Variants in GLOD4 observed in about 807,000 individuals in gnomAD.
GLOD4 encodes glyoxalase domain containing 4.
GLOD4 carries 44 observed loss-of-function variants against 39.1 expected under a neutral mutation model. That is an observed-to-expected ratio of 1.13 (90% CI 0.88 to 1.45). The LOEUF is 1.45. Ranked by LOEUF, GLOD4 falls within the 40% of genes most tolerant of loss-of-function variation. The pLI is 0.00. For missense variants in GLOD4, 405 were observed against 366.4 expected (o/e 1.11, Z -0.86); for synonymous variants, 145 against 135.0 (o/e 1.07, Z -0.52).
chr17:779,767 C>T (rs1326477329), intron 1 of GLOD4, among the ~76,000 whole-genome samples: 1 of 152,204 alleles, frequency 6.6e-6, no homozygotes, highest in African/African-American at 2.4e-5. Context: ...TCTCACAGAA[C>T]CCTGCACACA....
intron 3 of GLOD4, 80 bp from the exon 4 acceptor site, chr17:775,999 T>C (rs1908883031): frequency 9.4e-7 from 1 of 1,063,526 alleles, no homozygotes; most frequent in African/African-American, 1.6e-5. Flanking sequence ...CAACCCCTAT[T>C]GCCTACTGCC....
intron 4 of GLOD4, among the ~76,000 whole-genome samples, chr17:774,047 G>GA (rs1304299524): frequency 6.6e-6 from 1 of 152,104 alleles, no homozygotes; most frequent in African/African-American, 2.4e-5. Flanking sequence ...AGGCTGGAGA[G>GA]AAAAAATGGA....
chr17:779,319 T>TAAAAAAAAAAAAAAAA (rs34487169), intron 1 of GLOD4, among the ~76,000 whole-genome samples: 1 of 43,358 alleles, frequency 2.3e-5, no homozygotes, highest in Non-Finnish European at 3.8e-5. Context: ...CATCTCAAAT[T>TAAAAAAAAAAAAAAAA]AAAAAAAAAA....
At chr17:765,639 T>G (rs1906389778) in intron 8 of GLOD4, among the ~76,000 whole-genome samples, 1 of 147,698 alleles carries the variant, frequency 6.8e-6, no homozygotes. Flanking sequence ...AGAGACAGGG[T>G]TTCACCGTGT....
rs1194734159 is a variant in GLOD4 at position 771,481 on chromosome 17, G to A, written c.407-20C>T. ...CAGGATCTGTTGGGTAATAAAGCAG[G>A]AATAGACAGATCAATTTAATAGAAT... On this transcript the variant is annotated intron_variant, in intron 4 of 8. Coordinates refer to ENST00000301329, the MANE Select transcript of GLOD4 (RefSeq NM_016080.4). 1.4e-6 allele frequency: 2 copies of A among 1,429,252 alleles called. No individual in the cohort carries two copies. Among genetic ancestry groups the A allele is most frequent in the Non-Finnish European group, 9.5e-7 (1 of 1,049,572 alleles). The allele number at this position is 1,429,252 out of a possible 1,614,324, so 88.5% of individuals were successfully genotyped here. A position where few individuals can be genotyped will look rare whatever the true frequency, so the allele number is the denominator to read the frequency against.
upstream of GLOD4, among the ~76,000 whole-genome samples, chr17:784,181 C>A (rs938531445): frequency 1.3e-5 from 2 of 152,252 alleles, no homozygotes; most frequent in East Asian, 3.9e-4. Flanking sequence ...GTTTTTCATA[C>A]GTTTTTGACA....
intron 6 of GLOD4, 118 bp downstream of exon 6, chr17:770,303 T>G (rs1436372668): frequency 2.6e-6 from 2 of 769,734 alleles, no homozygotes; most frequent in East Asian, 2.4e-5. Context: ...TTGAAACAAC[T>G]GCTGAACTTG....
At chr17:781,349 C>T (rs1909909770) in intron 1 of GLOD4, among the ~76,000 whole-genome samples, 1 of 152,190 alleles carries the variant, frequency 6.6e-6, no homozygotes, top group Non-Finnish European at 1.5e-5. Flanking sequence ...CCATCATCTA[C>T]GTACAAATCC....
At chr17:766,279 CAGAG>C (rs1403259777) in intron 8 of GLOD4, among the ~76,000 whole-genome samples, 2 of 151,550 alleles carry the variant, frequency 1.3e-5, no homozygotes, top group Non-Finnish European at 2.9e-5. Flanking sequence ...GCCTCGGTGA[CAGAG>C]AGAGACCCCG....
intron 8 of GLOD4, among the ~76,000 whole-genome samples, chr17:763,181 TA>T (rs61285863): frequency 2.6e-3 from 317 of 121,862 alleles, no homozygotes; most frequent in Admixed American, 3.4e-3. Flanking sequence ...AGACTCCGTC[TA>T]AAAAAAAAAA....
Position 782,056 on chromosome 17 carries a change from A to G in GLOD4, c.90+110T>C, listed in dbSNP as rs1404100914. On this transcript the variant is annotated intron_variant, in intron 1 of 8. Coordinates refer to ENST00000301329, the MANE Select transcript of GLOD4 (RefSeq NM_016080.4). The stretch of plus-strand genomic sequence containing the variant: ...CACCGCGCAGGGCCTAAGGTCGGAC[A>G]CCCTCCGGCTTAGGTTCACGACACA... 122 of 730,126 alleles carry G rather than the reference A, an allele frequency of 1.7e-4. 1 individual carries two copies. The East Asian group carries it at 3.3e-3, about 19-fold the overall frequency. The allele number at this position is 730,126 out of a possible 1,614,324, so 45.2% of individuals were successfully genotyped here.
rs770394682 is a variant in GLOD4, at chr17:770,103, G to A, written c.685C>T (p.Leu229=). ...TTCCCTGGGGTGTCCAGGCTCACCA[G>A]GGGAGTCAGAATCTTCTGGTTCTCC... ...KRENQKILTP[L]VSLDTPGKAT... Residue 229 remains leucine (L), a synonymous_variant, in exon 7 of 9, where the codon CTG becomes TTG. Coordinates refer to ENST00000301329, the MANE Select transcript of GLOD4 (RefSeq NM_016080.4). 2 of 1,612,982 alleles carry A rather than the reference G, an allele frequency of 1.2e-6. No homozygotes were observed. The highest frequency in any genetic ancestry group is 1.7e-6 in the Non-Finnish European group (2 of 1,179,154).
chr17:774,930 G>A (rs544004874), intron 4 of GLOD4, among the ~76,000 whole-genome samples: 11 of 152,118 alleles, frequency 7.2e-5, no homozygotes, highest in Admixed American at 2.0e-4. Context: ...TGAGCTGGGC[G>A]TGGTGGCATG....
chr17:775,187 C>T (rs1229929199), intron 4 of GLOD4, among the ~76,000 whole-genome samples: 1 of 150,874 alleles, frequency 6.6e-6, no homozygotes, highest in Non-Finnish European at 1.5e-5. Context: ...AGGAGAATTG[C>T]TTGAACCCGG....
At position 782,252 on chromosome 17, in the gene GLOD4, C is replaced by A; in HGVS notation, c.4G>T (p.Ala2Ser). 1 of 1,613,380 alleles carries A rather than the reference C, an allele frequency of 6.2e-7. No homozygotes were observed. The highest frequency in any genetic ancestry group is 8.5e-7 in the Non-Finnish European group (1 of 1,179,696). Residue 2 changes from alanine to serine, a missense_variant, in exon 1 of 9, where the codon GCT becomes TCT. Ala to Ser is a moderately conservative substitution (Grantham distance 99). Coordinates refer to ENST00000301329, the MANE Select transcript of GLOD4 (RefSeq NM_016080.4). M[A>S]ARRALHFVFK... ...ACGAAGTGCAGAGCTCTGCGAGCAG[C>A]CATGATTCCCGCCGCACGCAGCCGT...
chr17:783,406 G>C (rs1466383470), upstream of GLOD4: 2 of 1,390,352 alleles, frequency 1.4e-6, no homozygotes, highest in South Asian at 1.5e-5. Context: ...GCGCGATCTC[G>C]GCCCACTGCA....
chr17:779,695 A>G (rs1304588232), intron 1 of GLOD4, among the ~76,000 whole-genome samples: 2 of 152,024 alleles, frequency 1.3e-5, no homozygotes, highest in Non-Finnish European at 2.9e-5. Context: ...TGTAACTCTG[A>G]GCAAATTAGA....
chr17:778,918 C>T (rs1297801513), intron 1 of GLOD4, 174 bp from the exon 2 acceptor site: 1 of 585,720 alleles, frequency 1.7e-6, no homozygotes, highest in Non-Finnish European at 3.0e-6. Flanking sequence ...GAAGGACGAA[C>T]AGCTTGACAC....
At chr17:785,732 A>G (rs73975523), upstream of GLOD4, among the ~76,000 whole-genome samples, 2,247 of 152,356 alleles carry the variant, frequency 0.015, 67 homozygotes, top group African/African-American at 0.051. Context: ...ACTTTGATGC[A>G]TTCAAGTTTT....
Sources: gnomAD v4.1 joint callset for allele counts (sites outside exome capture counted in the v4.1 genomes callset) on GRCh38, gnomAD v4.1.1 for gene constraint, MANE v1.5 for transcripts, NCBI Gene and HGNC (gene_info 2026-07-23, HGNC 2026-07-21) for gene names.